The following KYNU variants were observed in gnomAD, a reference collection of about 807,000 sequenced individuals.
KYNU encodes kynureninase.
KYNU carries 54 observed loss-of-function variants against 59.2 expected under a neutral mutation model. That is an observed-to-expected ratio of 0.91 (90% confidence interval 0.73 to 1.14). The LOEUF (loss-of-function observed/expected upper bound fraction) is 1.14. KYNU is among the 50% of genes most tolerant of loss of function. KYNU has a pLI of 0.00. For synonymous variants in KYNU, 177 were observed against 192.0 expected (o/e 0.92, Z 0.65); for missense variants, 567 against 554.4 (o/e 1.02, Z -0.23).
At chr2:142,979,591 TAGAG>T (rs1011534255) in intron 8 of KYNU, among the ~76,000 whole-genome samples, 15 of 151,900 alleles carry the variant, frequency 9.9e-5, no homozygotes, top group Non-Finnish European at 1.9e-4. Context: ...TTTATGTAAA[TAGAG>T]AGAAGTCTAT....
chr2:142,930,053 TG>T, intron 4 of KYNU, among the ~76,000 whole-genome samples: 1 of 152,178 alleles, frequency 6.6e-6, no homozygotes, highest in Non-Finnish European at 1.5e-5. Flanking sequence ...AGACATATTT[TG>T]GGGTAAAATA....
Position 143,007,457 on chromosome 2 carries a change from A to C in KYNU, c.902+21436A>C, listed in dbSNP as rs564903367. Among the ~76,000 whole-genome samples, 342 of 133,432 alleles carry C rather than the reference A, an allele frequency of 2.6e-3. 7 individuals are homozygous for C. Among genetic ancestry groups the C allele is most frequent in the Middle Eastern group, 7.0e-3 (2 of 284 alleles). The allele number at this position is 133,432 out of a possible 152,430, so 87.5% of individuals were successfully genotyped here. ...TGGTGTACCTGAAAGTGATGGGGAG[A>C]ATGGAACCAAGTTGGAAAACACTCT... On this transcript the variant is annotated intron_variant, in intron 10 of 13. Transcript: ENST00000264170.
At chr2:142,940,979 G>C (rs1683579822) in intron 4 of KYNU, among the ~76,000 whole-genome samples, 1 of 152,236 alleles carries the variant, frequency 6.6e-6, no homozygotes, top group African/African-American at 2.4e-5. Flanking sequence ...AAATGAGGGA[G>C]CTTCCATGCC....
chr2:143,026,833 G>A (rs1397934304), intron 10 of KYNU, among the ~76,000 whole-genome samples: 2 of 152,214 alleles, frequency 1.3e-5, no homozygotes, highest in African/African-American at 4.8e-5. Flanking sequence ...ACCAGCCAGG[G>A]TGAAGAGCCA....
At chr2:142,966,382 T>C (rs551998904) in intron 8 of KYNU, among the ~76,000 whole-genome samples, 1 of 152,206 alleles carries the variant, frequency 6.6e-6, no homozygotes, top group Non-Finnish European at 1.5e-5. Flanking sequence ...GTCAAAGGAA[T>C]GCACACTAAC....
intron 8 of KYNU, among the ~76,000 whole-genome samples, chr2:142,962,847 G>A (rs1684395340): frequency 1.3e-5 from 2 of 152,154 alleles, no homozygotes; most frequent in African/African-American, 4.8e-5. Flanking sequence ...AAAGTTCTTT[G>A]AAATGTAGAC....
chr2:142,928,192 T>C (rs1683102789), intron 4 of KYNU, among the ~76,000 whole-genome samples: 1 of 152,188 alleles, frequency 6.6e-6, no homozygotes. Flanking sequence ...TTTAGCTTCA[T>C]GTTACTGAAA....
chr2:142,891,156 A>G (rs899530394), intron 2 of KYNU, among the ~76,000 whole-genome samples: 1 of 152,206 alleles, frequency 6.6e-6, no homozygotes, highest in African/African-American at 2.4e-5. Flanking sequence ...ACTCAATTGA[A>G]GTATAATTTA....
intron 13 of KYNU, among the ~76,000 whole-genome samples, chr2:143,040,978 C>T (rs1687026619): frequency 6.6e-6 from 1 of 152,016 alleles, no homozygotes; most frequent in Non-Finnish European, 1.5e-5. Context: ...TTTCTCTAGT[C>T]TGTACTACAA....
rs1478067181 is a variant in KYNU at position 142,972,813 on chromosome 2, T to TATAGAGAGAGAG, written c.729+12044_729+12045insTAGAGAGAGAGA. ...GGCCATATATATATATATATATATA[T>TATAGAGAGAGAG]AGAGAGAGAGAGAGAGAGAGAGAGA... On this transcript the variant is annotated intron_variant, in intron 8 of 13. Coordinates refer to ENST00000264170, the MANE Select transcript of KYNU (RefSeq NM_003937.3). Among the ~76,000 whole-genome samples, 15 of 124,226 alleles carry TATAGAGAGAGAG rather than the reference T, an allele frequency of 1.2e-4. No homozygotes were observed. In the South Asian group the frequency reaches 2.6e-3, roughly 21 times the overall value. The allele number at this position is 124,226 out of a possible 152,430, so 81.5% of individuals were successfully genotyped here.
chr2:142,884,032 C>T (rs1158077249), intron 1 of KYNU, among the ~76,000 whole-genome samples: 1 of 152,108 alleles, frequency 6.6e-6, no homozygotes, highest in African/African-American at 2.4e-5. Context: ...AAAAACCAAA[C>T]TTAGGAGAGG....
intron 4 of KYNU, among the ~76,000 whole-genome samples, chr2:142,943,471 G>A (rs1027362855): frequency 6.6e-6 from 1 of 152,054 alleles, no homozygotes. Flanking sequence ...TTTCAGATGA[G>A]AAGAAAAACT....
At chr2:142,886,620 A>G (rs927543087) in intron 2 of KYNU, among the ~76,000 whole-genome samples, 2 of 152,238 alleles carry the variant, frequency 1.3e-5, no homozygotes, top group African/African-American at 4.8e-5. Context: ...CGAAAATTAA[A>G]AGGACATTTT....
Position 143,020,263 on chromosome 2 carries a change from T to C in KYNU, c.903-9364T>C, listed in dbSNP as rs182264005. ...TTTCTACTTTTTTGATGTAGGCATT[T>C]ATTGCCATAAACTTTCCTCTTGCAC... On this transcript the variant is annotated intron_variant, in intron 10 of 13. Transcript: ENST00000264170. Among the ~76,000 whole-genome samples the C allele has an allele frequency of 3.9e-3, 600 of 152,234 alleles. 4 individuals carry two copies. The highest frequency in any genetic ancestry group is 0.014 in the African/African-American group (573 of 41,566).
chr2:143,040,746 C>T, intron 13 of KYNU, 88 bp downstream of exon 13: 2 of 771,898 alleles, frequency 2.6e-6, no homozygotes, highest in South Asian at 1.8e-5. Flanking sequence ...TTCATTGTTG[C>T]ATGTTATTTC....
At chr2:142,961,077 C>T (rs889461298) in intron 8 of KYNU, among the ~76,000 whole-genome samples, 3 of 151,582 alleles carry the variant, frequency 2.0e-5, no homozygotes, top group Admixed American at 6.6e-5. Flanking sequence ...CCTGTAATCC[C>T]AGCTATTCGG....
At chr2:142,886,872 T>G (rs1681532783) in intron 2 of KYNU, among the ~76,000 whole-genome samples, 1 of 152,102 alleles carries the variant, frequency 6.6e-6, no homozygotes, top group African/African-American at 2.4e-5. Flanking sequence ...GAACCCAGTT[T>G]AAAAATAGCA....
intron 2 of KYNU, among the ~76,000 whole-genome samples, chr2:142,912,703 C>CTTTTTTTTTTTTTTTTTTTT (rs1163302368): frequency 2.8e-5 from 2 of 71,836 alleles, no homozygotes; most frequent in African/African-American, 7.1e-5. Context: ...TTCTTTCTTC[C>CTTTTTTTTTTTTTTTTTTTT]TTTTTTTTTT....
At chr2:142,885,991 T>G (rs1043517167) in intron 2 of KYNU, among the ~76,000 whole-genome samples, 2 of 152,202 alleles carry the variant, frequency 1.3e-5, no homozygotes, top group Non-Finnish European at 2.9e-5. Context: ...TGAATAGCCA[T>G]CTTTGCATGC....
Sources: gnomAD v4.1 joint callset for allele counts (sites outside exome capture counted in the v4.1 genomes callset) on GRCh38, gnomAD v4.1.1 for gene constraint, MANE v1.5 for transcripts, NCBI Gene and HGNC (gene_info 2026-07-23, HGNC 2026-07-21) for gene names.